Variants in GCSAML observed in about 807,000 individuals in gnomAD.
The protein encoded by GCSAML is germinal center associated signaling and motility like, also known as germinal center-associated signaling and motility-like protein.
Under a neutral mutation model 13.0 loss-of-function variants are expected in GCSAML, and 9 were observed. That is an observed-to-expected ratio of 0.69 (90% CI 0.42 to 1.21). The LOEUF (loss-of-function observed/expected upper bound fraction) is 1.21, where lower values mean the gene tolerates loss of function less well. Ranked by LOEUF, GCSAML falls within the 50% of genes most tolerant of loss-of-function variation. The pLI is 0.00. For missense variants in GCSAML, 143 were observed against 153.4 expected (o/e 0.93, Z 0.36); for synonymous variants, 37 against 52.9 (o/e 0.70, Z 1.31).
intron 2 of GCSAML, among the ~76,000 whole-genome samples, chr1:247,559,238 T>C (rs1315299735): frequency 6.6e-6 from 1 of 152,224 alleles, no homozygotes; most frequent in Non-Finnish European, 1.5e-5. Context: ...AGAAACATTA[T>C]TGTGTATTTC....
chr1:247,540,683 G>T (rs1173548972), intron 2 of GCSAML, among the ~76,000 whole-genome samples: 1 of 152,178 alleles, frequency 6.6e-6, no homozygotes, highest in Non-Finnish European at 1.5e-5. Context: ...ACCACTGTGG[G>T]GATGCAAGAG....
At chr1:247,539,763 C>A (rs1667345381) in intron 2 of GCSAML, among the ~76,000 whole-genome samples, 1 of 152,142 alleles carries the variant, frequency 6.6e-6, no homozygotes, top group African/African-American at 2.4e-5. Flanking sequence ...AGATTACAAT[C>A]ATTTTTACAA....
In GCSAML at chr1:247,574,430, A is replaced by G. The variant is rs1668757025; in HGVS notation, c.*48A>G. 1.9e-6 allele frequency: 3 copies of G among 1,599,366 alleles called. No homozygotes were observed. The highest frequency in any genetic ancestry group is 2.6e-6 in the Non-Finnish European group (3 of 1,171,930). On this transcript the variant is annotated 3_prime_UTR_variant, in exon 5 of 5. Transcript: ENST00000366488. ...CTTCCAGCAATGAAGACAATGCAGA[A>G]TAGCAGACTCTGGCGAAGTTGTTCA...
chr1:247,571,103 T>C (rs1193325087), intron 4 of GCSAML, among the ~76,000 whole-genome samples: 1 of 152,216 alleles, frequency 6.6e-6, no homozygotes, highest in African/African-American at 2.4e-5. Flanking sequence ...TCTCTGCATG[T>C]GAGATGGGTC....
In GCSAML at chr1:247,526,786, T is replaced by G; in HGVS notation, c.-262-154T>G. ...AAAGAAAAGATGGAGCCTAGAAAATTCTGACATATTCGGCTGAAAAGGGAC... is the reference window on the plus strand; with the variant it reads ...AAAGAAAAGATGGAGCCTAGAAAATGCTGACATATTCGGCTGAAAAGGGAC... On this transcript the variant is annotated intron_variant, in intron 1 of 5. Transcript: ENST00000366489. The surrounding 1 kb of genome is among the most constrained non-coding windows in gnomAD (Gnocchi z 4.8). 2.8e-6 allele frequency: 1 copy of G among 358,638 alleles called. No individual in the cohort carries two copies. The allele number at this position is 358,638 out of a possible 1,614,324, so 22.2% of individuals were successfully genotyped here.
At chr1:247,562,901 A>G (rs1668187996) in intron 2 of GCSAML, among the ~76,000 whole-genome samples, 1 of 151,788 alleles carries the variant, frequency 6.6e-6, no homozygotes, top group Admixed American at 6.6e-5. Flanking sequence ...GTGCAGTGAA[A>G]TGATCTCTGC....
In GCSAML at chr1:247,574,213, C is replaced by A. The variant is rs773481714; in HGVS notation, c.239C>A (p.Ser80Tyr). The change falls in exon 5 of 5, where the codon TCC becomes TAC. Residue 80 changes from serine to tyrosine, a missense_variant. Ser to Tyr is a moderately radical substitution (Grantham distance 144). Coordinates refer to ENST00000366488, the MANE Select transcript of GCSAML (RefSeq NM_145278.5). Reference protein sequence around the residue: ...TVINHIPHQRSSLSSNDDGYE... With the variant: ...TVINHIPHQRYSLSSNDDGYE... ...ATTAATCACATCCCCCATCAGAGAT[C>A]CTCCCTGAGCTCCAATGATGATGGC... 5.6e-5 allele frequency: 90 copies of A among 1,613,616 alleles called. No homozygotes were observed. The highest frequency in any genetic ancestry group is 7.5e-5 in the Non-Finnish European group (88 of 1,179,660).
intron 1 of GCSAML, among the ~76,000 whole-genome samples, chr1:247,510,388 TTC>T (rs1364866236): frequency 1.6e-4 from 24 of 152,190 alleles, no homozygotes; most frequent in South Asian, 2.1e-4. Flanking sequence ...TATTTGATTT[TTC>T]TCTCTTTCCT....
intron 2 of GCSAML, among the ~76,000 whole-genome samples, chr1:247,557,235 A>G (rs917496061): frequency 6.6e-6 from 1 of 152,130 alleles, no homozygotes; most frequent in Non-Finnish European, 1.5e-5. Context: ...TTGTAACTCT[A>G]TATGTCGTTT....
intron 1 of GCSAML, among the ~76,000 whole-genome samples, chr1:247,509,613 A>C (rs111729703): frequency 0.012 from 1,774 of 152,298 alleles, 23 homozygotes; most frequent in African/African-American, 0.04. Context: ...GCTTTTGCCT[A>C]TTCAGTATGA....
Position 247,575,597 on chromosome 1 carries a change from G to A in GCSAML, c.*1215G>A, listed in dbSNP as rs1427008639. 2 of 152,130 alleles carry A rather than the reference G, an allele frequency of 1.3e-5. No individual in the cohort carries two copies. Among genetic ancestry groups the A allele is most frequent in the Non-Finnish European group, 2.9e-5 (2 of 68,022 alleles). 9.4% of individuals were successfully genotyped at this position (152,130 alleles called of 1,614,324 possible). A position where few individuals can be genotyped will look rare whatever the true frequency, so the allele number is the denominator to read the frequency against. On this transcript the variant is annotated 3_prime_UTR_variant, in exon 5 of 5. Transcript: ENST00000366488. Reference sequence around the variant, plus strand: ...AATAGTTTTTGACATTGGCTTTTCTGAGAAGAGAAATTGAAAGTGTCACAA... The same window carrying A: ...AATAGTTTTTGACATTGGCTTTTCTAAGAAGAGAAATTGAAAGTGTCACAA...
intron 1 of GCSAML, among the ~76,000 whole-genome samples, chr1:247,521,691 G>A (rs1666437049): frequency 6.6e-6 from 1 of 152,218 alleles, no homozygotes; most frequent in Non-Finnish European, 1.5e-5. Flanking sequence ...GCTCAATGTT[G>A]CCCAGGCTGG....
chr1:247,572,585 C>T (rs980002162), intron 4 of GCSAML, among the ~76,000 whole-genome samples: 1 of 152,210 alleles, frequency 6.6e-6, no homozygotes, highest in African/African-American at 2.4e-5. Flanking sequence ...AGCTTTGTCC[C>T]AGCAGGGCAC....
rs370993344 is a variant in GCSAML, at chr1:247,563,093, C to T, written c.90-497C>T. On this transcript the variant is annotated intron_variant, in intron 2 of 4. Transcript: ENST00000366488. ...TCGATCTCCTAACCTCGTGATCTGC[C>T]CGCCTTGGCCTCCCAAAGTGCTGGG... Among the ~76,000 whole-genome samples, 14 of 151,826 alleles carry T rather than the reference C, an allele frequency of 9.2e-5. No homozygotes were observed. The East Asian group carries it at 1.4e-3, about 15-fold the overall frequency.
At chr1:247,569,003 CTT>C in intron 4 of GCSAML, among the ~76,000 whole-genome samples, 1 of 151,752 alleles carries the variant, frequency 6.6e-6, no homozygotes, top group African/African-American at 2.4e-5. Context: ...ATTTGGCTCT[CTT>C]TGTCTGTTAT....
At chr1:247,525,427 C>G (rs1231905962) in intron 1 of GCSAML, 1 of 152,196 alleles carries the variant, frequency 6.6e-6, no homozygotes. Flanking sequence ...AGCTGTAAGT[C>G]TGGGTTACCA....
intron 2 of GCSAML, among the ~76,000 whole-genome samples, chr1:247,558,551 A>G (rs1668027004): frequency 6.6e-6 from 1 of 152,074 alleles, no homozygotes; most frequent in African/African-American, 2.4e-5. Context: ...CCTGGCAACC[A>G]CTGATCTGAT....
intron 1 of GCSAML, among the ~76,000 whole-genome samples, chr1:247,510,661 A>C (rs539515221): frequency 6.6e-6 from 1 of 152,292 alleles, no homozygotes; most frequent in South Asian, 2.1e-4. Flanking sequence ...CCCTCTAAAC[A>C]CTATCTTAGT....
At chr1:247,531,435 C>T in intron 2 of GCSAML, 1 of 1,028,532 alleles carries the variant, frequency 9.7e-7, no homozygotes. Context: ...AGATTTCCAT[C>T]TACCTTGAGC....
Sources: allele counts gnomAD v4.1 joint callset (sites outside exome capture counted in the v4.1 genomes callset), GRCh38; gene constraint gnomAD v4.1.1; non-coding constraint Gnocchi (gnomAD v3.1); transcripts MANE v1.5; gene names NCBI Gene and HGNC (gene_info 2026-07-23, HGNC 2026-07-21).